PCLO: variants seen among roughly 807,000 people sequenced by gnomAD.
PCLO encodes piccolo presynaptic cytomatrix protein.
Under a neutral mutation model 427.5 loss-of-function variants are expected in PCLO, and 82 were observed. That is an observed-to-expected ratio of 0.19 (90% CI 0.16 to 0.23). PCLO has a LOEUF of 0.23. Among genes scored for constraint, PCLO ranks in the 10% least tolerant of loss-of-function variants. The pLI is 1.00. For synonymous variants in PCLO, 2,357 were observed against 2,155.4 expected (o/e 1.09, Z -2.59); for missense variants, 6,239 against 6,115.9 (o/e 1.02, Z -0.67).
At chr7:83,049,119 C>T (rs1301852199) in intron 3 of PCLO, among the ~76,000 whole-genome samples, 2 of 152,152 alleles carry the variant, frequency 1.3e-5, no homozygotes, top group African/African-American at 4.8e-5. Context: ...TCACCAAGTT[C>T]ACCTCTTAGG....
chr7:82,955,042 C>T lies in PCLO; in HGVS notation c.5911G>A (p.Gly1971Ser). 1.2e-6 allele frequency: 2 copies of T among 1,613,812 alleles called. No individual in the cohort carries two copies. Among genetic ancestry groups the T allele is most frequent in the South Asian group, 1.1e-5 (1 of 91,084 alleles). ...VEDTYNGSVD[G>S]SLLTRQEEEN... ...TCTTCTTGCCTTGTTAGCAGACTGC[C>T]ATCTACCGATCCATTGTACGTGTCT... Residue 1971 changes from glycine to serine, a missense_variant, in exon 5 of 25, where the codon GGC (glycine) becomes AGC (serine). Gly to Ser is a moderately conservative substitution (Grantham distance 56, BLOSUM62 0). This residue lies in a region of PCLO where 4,677 missense variants were observed against 4,468.4 expected (regional missense o/e 1.05). Coordinates refer to ENST00000333891, the MANE Select transcript of PCLO (RefSeq NM_033026.6).
chr7:83,070,216 T>C (rs368590075), intron 3 of PCLO, among the ~76,000 whole-genome samples: 1 of 152,058 alleles, frequency 6.6e-6, no homozygotes, highest in African/African-American at 2.4e-5. Flanking sequence ...GTAATGTCAG[T>C]GAGTCTGGAA....
intron 3 of PCLO, among the ~76,000 whole-genome samples, chr7:83,118,433 G>C (rs1454653286): frequency 6.6e-6 from 1 of 152,058 alleles, no homozygotes; most frequent in African/African-American, 2.4e-5. Flanking sequence ...ATTAAGGAAA[G>C]AGGCACAGAA....
At chr7:82,941,235 CTTCT>C (rs1445476148) in intron 6 of PCLO, among the ~76,000 whole-genome samples, 1 of 152,026 alleles carries the variant, frequency 6.6e-6, no homozygotes, top group East Asian at 1.9e-4. Flanking sequence ...CTCACCTTAC[CTTCT>C]TTATGTAATT....
At chr7:82,877,990 C>T (rs548184875) in intron 10 of PCLO, among the ~76,000 whole-genome samples, 9 of 152,198 alleles carry the variant, frequency 5.9e-5, no homozygotes, top group Middle Eastern at 3.4e-3. Flanking sequence ...CAACAATATG[C>T]TTTTAGTTAT....
chr7:83,018,124 A>T (rs2116038478), intron 3 of PCLO: 1 of 152,182 alleles, frequency 6.6e-6, no homozygotes, highest in African/African-American at 2.4e-5. Flanking sequence ...TAGAAGTATT[A>T]TTTATAAAAA....
intron 4 of PCLO, among the ~76,000 whole-genome samples, chr7:82,963,794 C>A (rs1301305725): frequency 6.6e-6 from 1 of 151,884 alleles, no homozygotes; most frequent in African/African-American, 2.4e-5. Context: ...CTGAGTTATT[C>A]TCTATTCTTT....
chr7:82,848,654 A>G (rs1792569648), intron 10 of PCLO, among the ~76,000 whole-genome samples: 1 of 152,086 alleles, frequency 6.6e-6, no homozygotes, highest in Non-Finnish European at 1.5e-5. Flanking sequence ...GCCTATGTGA[A>G]ATTACCTATT....
At position 82,966,338 on chromosome 7, in the gene PCLO, C is replaced by T. The variant is rs771890107; in HGVS notation, c.3450G>A (p.Val1150=). 3 of 1,613,772 alleles carry T rather than the reference C, an allele frequency of 1.9e-6. No homozygotes were observed. The highest frequency in any genetic ancestry group is 3.3e-5 in the Admixed American group (2 of 60,002). ...TTTTCACTAATTTTACTTGGGGAGGCACTGCTGTTTTCTGAGATGATGATT... is the reference window on the plus strand; with the variant it reads ...TTTTCACTAATTTTACTTGGGGAGGTACTGCTGTTTTCTGAGATGATGATT... ...PTESSSQKTA[V]PPQVKLVKKQ... Residue 1150 remains valine (V), a synonymous_variant, in exon 4 of 25, where the codon GTG becomes GTA. Transcript: ENST00000333891.
chr7:82,793,960 C>CCTTTTA (rs1791161205), intron 22 of PCLO, among the ~76,000 whole-genome samples: 1 of 152,128 alleles, frequency 6.6e-6, no homozygotes, highest in Non-Finnish European at 1.5e-5. Context: ...AAAATCATTT[C>CCTTTTA]CTTTTACCCT....
chr7:83,095,218 T>C (rs1790502396), intron 3 of PCLO, among the ~76,000 whole-genome samples: 1 of 151,776 alleles, frequency 6.6e-6, no homozygotes. Flanking sequence ...ATCGTTTTTT[T>C]CTACTTTGCC....
In PCLO at chr7:83,134,563, A is replaced by G; in HGVS notation, c.2987T>C (p.Val996Ala). 2 of 1,613,428 alleles carry G rather than the reference A, an allele frequency of 1.2e-6. No homozygotes were observed. The highest frequency in any genetic ancestry group is 1.6e-4 in the Middle Eastern group (1 of 6,062). Residue 996 changes from valine (V) to alanine (A), a missense_variant, in exon 3 of 25, where the codon GTG becomes GCG. Around this residue, in one of 5 missense-constraint regions of PCLO, gnomAD observed 4,677 missense variants for 4,468.4 expected, o/e 1.05. Transcript: ENST00000333891. ...TGCTGGGGCTTTTGTTTCCTTTTTC[A>G]CAGGTATACTTTTTGCAGGTGCTGG... The part of the protein sequence containing the change: ...APPAPAKSIP[V>A]KKETKAPAAE...
chr7:82,812,896 C>T (rs1367620429), intron 20 of PCLO, among the ~76,000 whole-genome samples: 1 of 150,942 alleles, frequency 6.6e-6, no homozygotes, highest in Non-Finnish European at 1.5e-5. Flanking sequence ...ATAGGTATTT[C>T]CAACTGACAA....
intron 3 of PCLO, among the ~76,000 whole-genome samples, chr7:83,068,297 C>A (rs565397645): frequency 1.3e-5 from 2 of 152,136 alleles, no homozygotes; most frequent in East Asian, 3.9e-4. Context: ...GAGAAAAGCA[C>A]TTATTTTTAA....
rs969023486 is a variant in PCLO at position 83,066,671 on chromosome 7, A to G, written c.3300+67579T>C. On this transcript the variant is annotated intron_variant, in intron 3 of 24. Coordinates refer to ENST00000333891, the MANE Select transcript of PCLO (RefSeq NM_033026.6). ...TTTAGATTATTGAAATAGCCATTGA[A>G]CTTAAATTATGTTGAGAAATGAATA... 6.6e-5 allele frequency among the ~76,000 whole-genome samples: 10 copies of G among 152,120 alleles called. 1 individual carries two copies. In the South Asian group the frequency reaches 8.3e-4, roughly 13 times the overall value.
intron 3 of PCLO, among the ~76,000 whole-genome samples, chr7:83,130,130 T>TTTGTTGTTG (rs57722657): frequency 6.6e-6 from 1 of 151,210 alleles, no homozygotes; most frequent in African/African-American, 2.4e-5. Flanking sequence ...CCATTATGTT[T>TTTGTTGTTG]TTGTTGTTGT....
chr7:82,897,799 T>C (rs1021471545), intron 9 of PCLO, among the ~76,000 whole-genome samples: 8 of 151,434 alleles, frequency 5.3e-5, no homozygotes, highest in Non-Finnish European at 1.0e-4. Flanking sequence ...GAAAAAAGTA[T>C]ATTTCCTTTT....
chr7:83,046,612 T>C (rs1409762877), intron 3 of PCLO, among the ~76,000 whole-genome samples: 1 of 152,056 alleles, frequency 6.6e-6, no homozygotes, highest in Non-Finnish European at 1.5e-5. Flanking sequence ...CAAATTTGTA[T>C]TATAAATCAC....
chr7:83,019,670 A>G (rs935185417), intron 3 of PCLO, among the ~76,000 whole-genome samples: 1 of 152,070 alleles, frequency 6.6e-6, no homozygotes, highest in Admixed American at 6.6e-5. Flanking sequence ...AGGAGAACCA[A>G]TGTCTCATTT....
Sources: gnomAD v4.1 joint callset for allele counts (sites outside exome capture counted in the v4.1 genomes callset) on GRCh38, gnomAD v4.1.1 for gene constraint, gnomAD v4.1.1 regional missense constraint, MANE v1.5 for transcripts, NCBI Gene and HGNC (gene_info 2026-07-23, HGNC 2026-07-21) for gene names.